Variants in ERBB4 observed in about 807,000 individuals in gnomAD.
The protein encoded by ERBB4 is receptor tyrosine-protein kinase erbB-4.
A neutral mutation model predicts 158.0 loss-of-function variants in ERBB4; 42 were observed. That is an observed-to-expected ratio of 0.27 (90% CI 0.21 to 0.34). The LOEUF (loss-of-function observed/expected upper bound fraction) is 0.34. Among genes scored for constraint, ERBB4 ranks in the 10% least tolerant of loss-of-function variants. The pLI, the probability that ERBB4 is intolerant of heterozygous loss-of-function variation, is 1.00. For missense variants in ERBB4, 1,333 were observed against 1,624.1 expected (o/e 0.82, Z 3.08); for synonymous variants, 583 against 558.7 (o/e 1.04, Z -0.61).
At chr2:212,158,008 A>G (rs2081093318) in intron 1 of ERBB4, among the ~76,000 whole-genome samples, 1 of 152,070 alleles carries the variant, frequency 6.6e-6, no homozygotes, top group South Asian at 2.1e-4. Flanking sequence ...GACAAATAGT[A>G]TAATCCTTGG....
intron 3 of ERBB4, among the ~76,000 whole-genome samples, chr2:211,826,576 T>G (rs947002285): frequency 1.3e-5 from 2 of 149,152 alleles, no homozygotes; most frequent in African/African-American, 4.9e-5. Flanking sequence ...TCTGTTTTAT[T>G]TCCTCCTGGC....
intron 25 of ERBB4, among the ~76,000 whole-genome samples, chr2:211,394,310 T>G (rs944719426): frequency 1.3e-5 from 2 of 152,184 alleles, no homozygotes; most frequent in Non-Finnish European, 2.9e-5. Context: ...TCACCCTTCT[T>G]GAGATGAGTG....
chr2:212,191,926 ATATAT>A (rs1416320326), intron 1 of ERBB4, among the ~76,000 whole-genome samples: 5 of 142,150 alleles, frequency 3.5e-5, no homozygotes, highest in East Asian at 4.0e-4. Flanking sequence ...TATATATGTT[ATATAT>A]TATATATGAT....
intron 20 of ERBB4, among the ~76,000 whole-genome samples, chr2:211,438,989 AGTGTGTGTGTGT>A (rs58211149): frequency 1.3e-5 from 2 of 149,084 alleles, no homozygotes; most frequent in Non-Finnish European, 3.0e-5. Context: ...AATATATTTG[AGTGTGTGTGTGT>A]GTGTGTGTGT....
At chr2:212,514,595 A>C (rs917151046) in intron 1 of ERBB4, among the ~76,000 whole-genome samples, 2 of 152,126 alleles carry the variant, frequency 1.3e-5, no homozygotes, top group Non-Finnish European at 2.9e-5. Context: ...TCACGAGGTC[A>C]AGAGATCAAG....
intron 19 of ERBB4, among the ~76,000 whole-genome samples, chr2:211,596,611 C>T (rs1485033917): frequency 1.3e-5 from 2 of 152,096 alleles, no homozygotes; most frequent in Non-Finnish European, 2.9e-5. Context: ...CCCTGGGAGC[C>T]TCCTTCTTAC....
intron 3 of ERBB4, among the ~76,000 whole-genome samples, chr2:211,792,490 T>G (rs1232544261): frequency 6.6e-6 from 1 of 151,788 alleles, no homozygotes; most frequent in Non-Finnish European, 1.5e-5. Flanking sequence ...ACAATACATT[T>G]GATATTTATA....
intron 3 of ERBB4, among the ~76,000 whole-genome samples, chr2:211,794,132 C>A (rs934460663): frequency 2.6e-5 from 4 of 151,866 alleles, no homozygotes; most frequent in Non-Finnish European, 4.4e-5. Context: ...AAAATAATAT[C>A]TTGATTTCAA....
At chr2:211,597,849 A>C (rs1452930740) in intron 19 of ERBB4, among the ~76,000 whole-genome samples, 3 of 152,194 alleles carry the variant, frequency 2.0e-5, no homozygotes, top group Non-Finnish European at 4.4e-5. Flanking sequence ...TTCAAAAAAA[A>C]TCAGCTTTTT....
chr2:212,337,268 G>A (rs2088486178), intron 1 of ERBB4, among the ~76,000 whole-genome samples: 1 of 151,970 alleles, frequency 6.6e-6, no homozygotes, highest in African/African-American at 2.4e-5. Flanking sequence ...TCATACAATA[G>A]GATTTAGCAA....
intron 20 of ERBB4, among the ~76,000 whole-genome samples, chr2:211,481,094 A>G (rs2125547807): frequency 6.6e-6 from 1 of 152,298 alleles, no homozygotes; most frequent in South Asian, 2.1e-4. Context: ...CTTTCATTTT[A>G]AATAGCATTA....
intron 1 of ERBB4, among the ~76,000 whole-genome samples, chr2:212,229,739 A>G (rs903559130): frequency 6.6e-6 from 1 of 152,190 alleles, no homozygotes; most frequent in African/African-American, 2.4e-5. Context: ...TCTGGAATAG[A>G]AAGGAGAGAA....
At chr2:212,003,180 A>AG (rs1352739069) in intron 2 of ERBB4, among the ~76,000 whole-genome samples, 3 of 52,290 alleles carry the variant, frequency 5.7e-5, no homozygotes, top group African/African-American at 1.4e-4. Flanking sequence ...AAAGAAAGAA[A>AG]GAAAGAAAGA....
intron 6 of ERBB4, among the ~76,000 whole-genome samples, chr2:211,723,991 T>G (rs183302520): frequency 6.6e-6 from 1 of 152,186 alleles, no homozygotes; most frequent in Non-Finnish European, 1.5e-5. Flanking sequence ...AAAAACTGCA[T>G]GCAAAACTTC....
intron 20 of ERBB4, among the ~76,000 whole-genome samples, chr2:211,506,538 G>A (rs557448423): frequency 2.1e-5 from 3 of 145,706 alleles, no homozygotes; most frequent in East Asian, 2.1e-4. Flanking sequence ...TAATGAATTC[G>A]AAAATTGAAA....
intron 20 of ERBB4, among the ~76,000 whole-genome samples, chr2:211,500,803 C>T (rs1276990719): frequency 6.6e-6 from 1 of 152,004 alleles, no homozygotes; most frequent in Non-Finnish European, 1.5e-5. Flanking sequence ...ATATCTCACA[C>T]TGAGAGCACT....
chr2:212,330,219 T>C (rs1416560520), intron 1 of ERBB4, among the ~76,000 whole-genome samples: 1 of 42,340 alleles, frequency 2.4e-5, no homozygotes, highest in Non-Finnish European at 5.8e-5. Flanking sequence ...GCTGTATCTG[T>C]GTTTTTTGTT....
chr2:212,251,676 C>T (rs56395249), intron 1 of ERBB4, among the ~76,000 whole-genome samples: 23,436 of 151,318 alleles, frequency 0.15, 2,236 homozygotes, highest in Non-Finnish European at 0.2. Context: ...GGGGTGTGCC[C>T]AATATATTTT....
chr2:212,206,586 G>GTTGTTTTTTTTTTTTTTTTT (rs1393759656), intron 1 of ERBB4, among the ~76,000 whole-genome samples: 1 of 66,766 alleles, frequency 1.5e-5, no homozygotes, highest in African/African-American at 4.9e-5. Context: ...CGTCTGTTCT[G>GTTGTTTTTTTTTTTTTTTTT]TTCTTTTTTT....
Sources: gnomAD v4.1 joint callset for allele counts (sites outside exome capture counted in the v4.1 genomes callset) on GRCh38, gnomAD v4.1.1 for gene constraint, MANE v1.5 for transcripts, NCBI Gene and HGNC (gene_info 2026-07-23, HGNC 2026-07-21) for gene names.